The following SLC26A7 variants were observed in gnomAD, a reference collection of about 807,000 sequenced individuals.
The protein encoded by SLC26A7 is anion exchange transporter.
SLC26A7 carries 59 observed loss-of-function variants against 82.5 expected under a neutral mutation model. That is an observed-to-expected ratio of 0.72 (90% confidence interval 0.58 to 0.89). The LOEUF (loss-of-function observed/expected upper bound fraction) is 0.89. Among genes scored for constraint, SLC26A7 ranks in the 40% least tolerant of loss-of-function variants. The pLI, the probability that SLC26A7 is intolerant of heterozygous loss-of-function variation, is 0.00. For missense variants in SLC26A7, 820 were observed against 793.0 expected (o/e 1.03, Z -0.41); for synonymous variants, 271 against 274.3 (o/e 0.99, Z 0.12).
chr8:91,227,464 T>C (rs941365054), intron 2 of SLC26A7, among the ~76,000 whole-genome samples: 2 of 152,204 alleles, frequency 1.3e-5, no homozygotes, highest in African/African-American at 4.8e-5. Flanking sequence ...TCTATTTATG[T>C]CCTCAGTTAT....
At chr8:91,339,062 T>C (rs1287191973) in intron 7 of SLC26A7, among the ~76,000 whole-genome samples, 1 of 152,182 alleles carries the variant, frequency 6.6e-6, no homozygotes, top group Admixed American at 6.6e-5. Flanking sequence ...CTAATGCTGA[T>C]TATATGAATC....
rs1368925434 is a variant in SLC26A7, at chr8:91,389,384, G to C, written c.1722G>C (p.Leu574=). The C allele has an allele frequency of 6.2e-7, 1 of 1,613,990 alleles. No homozygotes were observed. The highest frequency in any genetic ancestry group is 1.7e-5 in the Admixed American group (1 of 60,012). The change falls in exon 16 of 19, where the codon CTG becomes CTC. Residue 574 remains leucine, a synonymous_variant. Coordinates refer to ENST00000276609, the MANE Select transcript of SLC26A7 (RefSeq NM_052832.4). ...SCPNEKCYLI[L]DCSGFTFFDY... ...CTAATGAGAAGTGTTATTTAATCCTGGATTGCAGTGGATTTACCTTTTTTG... is the reference window on the plus strand; with the variant it reads ...CTAATGAGAAGTGTTATTTAATCCTCGATTGCAGTGGATTTACCTTTTTTG...
At chr8:91,255,269 G>A (rs1810771363) in intron 2 of SLC26A7, among the ~76,000 whole-genome samples, 1 of 152,052 alleles carries the variant, frequency 6.6e-6, no homozygotes, top group Non-Finnish European at 1.5e-5. Context: ...AACAAAAGAT[G>A]GATGTTCCTT....
At chr8:91,346,225 C>A (rs575877821) in intron 9 of SLC26A7, among the ~76,000 whole-genome samples, 1 of 152,174 alleles carries the variant, frequency 6.6e-6, no homozygotes, top group Admixed American at 6.5e-5. Flanking sequence ...CATTAAATTG[C>A]ACAGGGAAAG....
chr8:91,350,358 T>A (rs565229877), intron 9 of SLC26A7, among the ~76,000 whole-genome samples: 23 of 151,908 alleles, frequency 1.5e-4, no homozygotes, highest in Non-Finnish European at 2.8e-4. Flanking sequence ...TTTTTTTTTT[T>A]AAATTAAAAG....
intron 5 of SLC26A7, among the ~76,000 whole-genome samples, chr8:91,328,807 TCA>T (rs1288804764): frequency 6.6e-6 from 1 of 152,088 alleles, no homozygotes; most frequent in African/African-American, 2.4e-5. Context: ...GAAAAAAGCC[TCA>T]CATCTAAAGA....
At chr8:91,307,076 A>G (rs1332199988) in intron 4 of SLC26A7, among the ~76,000 whole-genome samples, 1 of 137,604 alleles carries the variant, frequency 7.3e-6, no homozygotes, top group Non-Finnish European at 1.5e-5. Context: ...CATCAGAGAA[A>G]TGCAAATCAA....
chr8:91,388,974 A>G (rs1814879421), intron 15 of SLC26A7, among the ~76,000 whole-genome samples: 1 of 152,170 alleles, frequency 6.6e-6, no homozygotes, highest in Non-Finnish European at 1.5e-5. Flanking sequence ...AAAAGGTACT[A>G]TTCAGAATGT....
intron 2 of SLC26A7, among the ~76,000 whole-genome samples, chr8:91,271,825 A>C (rs934891215): frequency 6.6e-6 from 1 of 152,116 alleles, no homozygotes; most frequent in African/African-American, 2.4e-5. Flanking sequence ...CGATCTCCTG[A>C]CCTTGTGATC....
intron 9 of SLC26A7, among the ~76,000 whole-genome samples, chr8:91,350,124 G>A (rs943442221): frequency 6.6e-6 from 1 of 152,076 alleles, no homozygotes; most frequent in Non-Finnish European, 1.5e-5. Flanking sequence ...GAGTGTTTGT[G>A]ATGAGTTACA....
intron 15 of SLC26A7, among the ~76,000 whole-genome samples, chr8:91,372,820 T>C (rs563411337): frequency 1.3e-5 from 2 of 152,104 alleles, no homozygotes; most frequent in African/African-American, 4.8e-5. Flanking sequence ...TTTTGAGTGG[T>C]AGTAATTTTA....
chr8:91,266,324 A>C (rs1052147516), intron 2 of SLC26A7, among the ~76,000 whole-genome samples: 2 of 151,710 alleles, frequency 1.3e-5, no homozygotes, highest in Non-Finnish European at 2.9e-5. Context: ...ATTTCTTTGG[A>C]TAGTATGGAC....
intron 9 of SLC26A7, chr8:91,344,255 G>T: frequency 4.1e-6 from 4 of 971,886 alleles, no homozygotes; most frequent in Non-Finnish European, 4.9e-6. Flanking sequence ...AGGGAAAGAA[G>T]GTTAAAGTAA....
At chr8:91,228,255 A>G (rs547235744) in intron 2 of SLC26A7, among the ~76,000 whole-genome samples, 1 of 152,352 alleles carries the variant, frequency 6.6e-6, no homozygotes, top group South Asian at 2.1e-4. Flanking sequence ...AAGATGGTTA[A>G]TACGACAGCA....
chr8:91,329,600 A>T (rs1316893270), intron 5 of SLC26A7, among the ~76,000 whole-genome samples: 1 of 152,168 alleles, frequency 6.6e-6, no homozygotes, highest in Non-Finnish European at 1.5e-5. Flanking sequence ...CAAATTTGGT[A>T]TGGCTTGGAA....
intron 15 of SLC26A7, among the ~76,000 whole-genome samples, chr8:91,371,776 C>G (rs1220141543): frequency 6.6e-6 from 1 of 151,874 alleles, no homozygotes; most frequent in Admixed American, 6.6e-5. Flanking sequence ...AATGGTAGTT[C>G]TATTTTTAGT....
intron 4 of SLC26A7, among the ~76,000 whole-genome samples, chr8:91,317,446 G>A (rs1030812171): frequency 6.6e-6 from 1 of 152,070 alleles, no homozygotes; most frequent in Non-Finnish European, 1.5e-5. Flanking sequence ...TTAAATATTA[G>A]CCCTTAATAA....
At chr8:91,314,161 T>G (rs1334491215) in intron 4 of SLC26A7, among the ~76,000 whole-genome samples, 1 of 152,330 alleles carries the variant, frequency 6.6e-6, no homozygotes, top group East Asian at 1.9e-4. Flanking sequence ...GGGAGTTGGC[T>G]AGCTAGATTA....
At chr8:91,307,908 A>T (rs1199646520) in intron 4 of SLC26A7, among the ~76,000 whole-genome samples, 1 of 152,142 alleles carries the variant, frequency 6.6e-6, no homozygotes, top group East Asian at 1.9e-4. Flanking sequence ...TATGTTGCCT[A>T]GGCTGTTCTC....
Sources: gnomAD v4.1 joint callset for allele counts (sites outside exome capture counted in the v4.1 genomes callset) on GRCh38, gnomAD v4.1.1 for gene constraint, MANE v1.5 for transcripts, NCBI Gene and HGNC (gene_info 2026-07-23, HGNC 2026-07-21) for gene names.